The following PPP1R1C variants were observed in gnomAD, a reference collection of about 807,000 sequenced individuals.
PPP1R1C encodes protein phosphatase 1 regulatory inhibitor subunit 1C, also known as protein phosphatase 1 regulatory subunit 1C.
PPP1R1C carries 15 observed loss-of-function variants against 17.4 expected under a neutral mutation model. The observed-to-expected ratio is 0.86, with a 90% confidence interval of 0.58 to 1.33. The LOEUF is 1.33. Among genes scored for constraint, PPP1R1C ranks in the 40% most tolerant of loss-of-function variants. PPP1R1C has a pLI of 0.00. For synonymous variants in PPP1R1C, 35 were observed against 43.1 expected (o/e 0.81, Z 0.73); for missense variants, 143 against 130.0 (o/e 1.10, Z -0.48).
intron 2 of PPP1R1C, among the ~76,000 whole-genome samples, chr2:182,028,486 G>T (rs1322609978): frequency 6.6e-6 from 1 of 152,152 alleles, no homozygotes; most frequent in Non-Finnish European, 1.5e-5. Context: ...AGTCATTCAG[G>T]AGCAGGTTCT....
intron 2 of PPP1R1C, among the ~76,000 whole-genome samples, chr2:182,055,076 G>GT (rs1348622727): frequency 1.4e-5 from 2 of 147,946 alleles, no homozygotes; most frequent in African/African-American, 5.1e-5. Flanking sequence ...TTTAGTTTCT[G>GT]GTTTTTTTTT....
chr2:182,126,976 G>T (rs1267873386), intron 5 of PPP1R1C, among the ~76,000 whole-genome samples: 1 of 151,970 alleles, frequency 6.6e-6, no homozygotes, highest in African/African-American at 2.4e-5. Context: ...ACTTAACAGG[G>T]TTTTCCCTTT....
rs577959517 is a variant in PPP1R1C at position 182,095,861 on chromosome 2, G to C, written c.242-21346G>C. Among the ~76,000 whole-genome samples, 4 of 152,240 alleles carry C rather than the reference G, an allele frequency of 2.6e-5. No individual in the cohort carries two copies. The East Asian group carries it at 7.8e-4, about 30-fold the overall frequency. On this transcript the variant is annotated intron_variant, in intron 4 of 4. Transcript: ENST00000682840. ...ATGGTGGCCTGTGCCTGTAGTCCCA[G>C]CTACTCAGGAAGCTGAAGCAGGAGA...
chr2:182,009,245 C>T (rs920863057), intron 2 of PPP1R1C, among the ~76,000 whole-genome samples: 1 of 152,106 alleles, frequency 6.6e-6, no homozygotes, highest in African/African-American at 2.4e-5. Flanking sequence ...ACATTCCCAC[C>T]AGCAGCATGT....
chr2:182,126,210 A>G (rs76825839), intron 5 of PPP1R1C, among the ~76,000 whole-genome samples: 4,816 of 152,142 alleles, frequency 0.032, 226 homozygotes, highest in Admixed American at 0.13. Flanking sequence ...ATCAAAAAGC[A>G]AACAGTTTAA....
chr2:181,962,771 G>T lies in PPP1R1C; in HGVS notation n.111+8137G>T, dbSNP rs1258184429. 6.6e-6 allele frequency among the ~76,000 whole-genome samples: 1 copy of T among 152,188 alleles called. No individual in the cohort carries two copies. Among genetic ancestry groups the T allele is most frequent in the Non-Finnish European group, 1.5e-5 (1 of 68,028 alleles). ...GAGTTTTCCTAGGAGAGTCCCTTTTGTATGAGACTGTGGCTGGAGATAAAG... is the reference window on the plus strand; with the variant it reads ...GAGTTTTCCTAGGAGAGTCCCTTTTTTATGAGACTGTGGCTGGAGATAAAG... On this transcript the variant is annotated intron_variant and non_coding_transcript_variant, in intron 1 of 5. Transcript: ENST00000464264. This position sits in a 1 kb window ranked among gnomAD's most constrained non-coding sequence, Gnocchi z 6.0.
chr2:182,087,829 TC>T (rs1688672501), intron 4 of PPP1R1C, among the ~76,000 whole-genome samples: 1 of 152,260 alleles, frequency 6.6e-6, no homozygotes. Flanking sequence ...CATGTATTTT[TC>T]TTTGTTGCTC....
chr2:181,987,967 A>T (rs1685352930), intron 2 of PPP1R1C, 68 bp downstream of exon 2: 10 of 1,325,260 alleles, frequency 7.5e-6, no homozygotes, highest in Non-Finnish European at 1.1e-5. Flanking sequence ...ATCAAAGTAC[A>T]TGTCGTACTG....
intron 4 of PPP1R1C, among the ~76,000 whole-genome samples, chr2:182,064,900 A>T (rs1204666549): frequency 6.6e-6 from 1 of 152,100 alleles, no homozygotes; most frequent in Non-Finnish European, 1.5e-5. Context: ...ACAAGGAAAA[A>T]TATATGTTCA....
intron 4 of PPP1R1C, among the ~76,000 whole-genome samples, chr2:182,107,617 T>C (rs938748345): frequency 1.3e-5 from 2 of 152,164 alleles, no homozygotes; most frequent in African/African-American, 4.8e-5. Flanking sequence ...TATTTTGAAC[T>C]CATGACTACA....
At chr2:182,048,431 CA>C (rs1687408437) in intron 2 of PPP1R1C, among the ~76,000 whole-genome samples, 1 of 152,212 alleles carries the variant, frequency 6.6e-6, no homozygotes, top group African/African-American at 2.4e-5. Context: ...AGGAGATTTT[CA>C]TAGCCCTATT....
At chr2:182,076,190 T>TC (rs1688296120) in intron 4 of PPP1R1C, among the ~76,000 whole-genome samples, 2 of 122,608 alleles carry the variant, frequency 1.6e-5, no homozygotes, top group African/African-American at 7.3e-5. Flanking sequence ...ACTTTTTTTT[T>TC]TCTTTTCTTT....
intron 3 of PPP1R1C, 145 bp from the exon 4 acceptor site, chr2:182,063,586 C>A: frequency 1.5e-6 from 1 of 674,502 alleles, no homozygotes; most frequent in Admixed American, 2.3e-5. Flanking sequence ...TATATAATTT[C>A]TCATTAATTA....
upstream of PPP1R1C, among the ~76,000 whole-genome samples, chr2:181,983,872 T>C (rs1199430112): frequency 2.0e-5 from 3 of 152,126 alleles, no homozygotes; most frequent in Non-Finnish European, 4.4e-5. Flanking sequence ...CTTAACTGAA[T>C]CTTAATGGAC....
intron 2 of PPP1R1C, among the ~76,000 whole-genome samples, chr2:181,990,337 G>C (rs996903819): frequency 6.6e-6 from 1 of 151,950 alleles, no homozygotes; most frequent in African/African-American, 2.4e-5. Context: ...GTAGAGACGG[G>C]GTTTCACCGT....
intron 5 of PPP1R1C, among the ~76,000 whole-genome samples, chr2:182,123,659 A>G (rs186006013): frequency 6.6e-6 from 1 of 152,294 alleles, no homozygotes; most frequent in East Asian, 1.9e-4. Context: ...TTCTTTTGAA[A>G]AGTGTCTGTT....
chr2:182,088,058 T>C (rs1303107491), intron 4 of PPP1R1C, among the ~76,000 whole-genome samples: 1 of 152,214 alleles, frequency 6.6e-6, no homozygotes, highest in Non-Finnish European at 1.5e-5. Flanking sequence ...AAGATTATTT[T>C]TCATAGCTTT....
At chr2:182,117,059 T>C (rs1234438214) in intron 4 of PPP1R1C, 148 bp from the exon 5 acceptor site, 1 of 641,046 alleles carries the variant, frequency 1.6e-6, no homozygotes, top group Non-Finnish European at 2.8e-6. Context: ...AAAAGGTTTA[T>C]ATAGGATTAC....
intron 1 of PPP1R1C, among the ~76,000 whole-genome samples, chr2:181,958,614 T>C (rs879313406): frequency 2.0e-5 from 3 of 152,224 alleles, no homozygotes; most frequent in Admixed American, 6.5e-5. Flanking sequence ...CAGATCAAGA[T>C]ATAGAATAGA....
Sources: gnomAD v4.1 joint callset for allele counts (sites outside exome capture counted in the v4.1 genomes callset) on GRCh38, gnomAD v4.1.1 for gene constraint, Gnocchi (gnomAD v3.1) non-coding constraint, MANE v1.5 for transcripts, NCBI Gene and HGNC (gene_info 2026-07-23, HGNC 2026-07-21) for gene names.